KIAA1328: variants seen among roughly 807,000 people sequenced by gnomAD.
The protein encoded by KIAA1328 is KIAA1328.
Under a neutral mutation model 68.1 loss-of-function variants are expected in KIAA1328, and 52 were observed. The observed-to-expected ratio is 0.76, with a 90% CI of 0.61 to 0.96. The LOEUF (loss-of-function observed/expected upper bound fraction) is 0.96, where lower values mean the gene tolerates loss of function less well. Ranked by LOEUF, KIAA1328 falls within the 40% of genes least tolerant of loss-of-function variation. The pLI, the probability that KIAA1328 is intolerant of heterozygous loss-of-function variation, is 0.00. For synonymous variants in KIAA1328, 232 were observed against 239.4 expected, an observed-to-expected ratio of 0.97 and a Z score of 0.28; for missense variants, 641 against 677.6, an observed-to-expected ratio of 0.95 and a Z score of 0.60.
chr18:36,971,723 T>C (rs970528448), intron 6 of KIAA1328, among the ~76,000 whole-genome samples: 3 of 152,082 alleles, frequency 2.0e-5, no homozygotes, highest in Non-Finnish European at 4.4e-5. Context: ...TGCAGAAACA[T>C]GGATTGAACA....
chr18:36,918,038 G>A (rs574873172), intron 5 of KIAA1328, among the ~76,000 whole-genome samples: 1 of 152,006 alleles, frequency 6.6e-6, no homozygotes, highest in East Asian at 1.9e-4. Context: ...TTCTATGGGA[G>A]GATTGGTTCA....
intron 6 of KIAA1328, among the ~76,000 whole-genome samples, chr18:36,994,714 T>C (rs539456913): frequency 7.2e-5 from 11 of 152,180 alleles, no homozygotes; most frequent in Non-Finnish European, 1.6e-4. Flanking sequence ...TTTTAGCTTA[T>C]ACATATTTTT....
intron 6 of KIAA1328, among the ~76,000 whole-genome samples, chr18:36,989,093 T>C (rs1166371525): frequency 6.6e-6 from 1 of 152,200 alleles, no homozygotes; most frequent in Admixed American, 6.5e-5. Flanking sequence ...TATTTGGTAA[T>C]GCCTTTATGT....
In KIAA1328 at chr18:37,215,725, A is replaced by T. The variant is rs1244199188; in HGVS notation, c.1524-6292A>T. ...TTGGAATAGTTTCAGAAGGAATGGTACCAGCTCCTCTTTGTACCTCTGATA... is the reference window on the plus strand; with the variant it reads ...TTGGAATAGTTTCAGAAGGAATGGTTCCAGCTCCTCTTTGTACCTCTGATA... On this transcript the variant is annotated intron_variant, in intron 9 of 9. Coordinates refer to ENST00000280020, the MANE Select transcript of KIAA1328 (RefSeq NM_020776.3). Among the ~76,000 whole-genome samples, 3 of 152,334 alleles carry T rather than the reference A, an allele frequency of 2.0e-5. 1 individual carries two copies. In the East Asian group the frequency reaches 5.8e-4, roughly 29 times the overall value.
intron 6 of KIAA1328, among the ~76,000 whole-genome samples, chr18:37,006,870 G>A (rs1434684192): frequency 6.6e-6 from 1 of 152,148 alleles, no homozygotes; most frequent in Non-Finnish European, 1.5e-5. Context: ...CACAAAGTGA[G>A]TTATTTAACA....
intron 7 of KIAA1328, among the ~76,000 whole-genome samples, chr18:37,117,828 T>G (rs1394333357): frequency 6.6e-6 from 1 of 151,436 alleles, no homozygotes; most frequent in African/African-American, 2.4e-5. Flanking sequence ...GCATCTCACG[T>G]TAGATGATAG....
chr18:36,883,157 A>G (rs530360630), intron 4 of KIAA1328, among the ~76,000 whole-genome samples: 5 of 152,310 alleles, frequency 3.3e-5, no homozygotes, highest in African/African-American at 1.2e-4. Context: ...GGATTTTGTT[A>G]CATATTTTCT....
chr18:36,954,135 T>C (rs977161813), intron 5 of KIAA1328, among the ~76,000 whole-genome samples: 5 of 152,000 alleles, frequency 3.3e-5, no homozygotes, highest in Admixed American at 1.3e-4. Context: ...CCCGAGTAGC[T>C]GGGACTACAG....
chr18:37,026,571 A>G (rs1452971783), intron 6 of KIAA1328, among the ~76,000 whole-genome samples: 2 of 152,222 alleles, frequency 1.3e-5, no homozygotes, highest in African/African-American at 4.8e-5. Flanking sequence ...GGTTCAACAT[A>G]TGCAAATCAA....
At chr18:37,139,649 C>G (rs182172897) in intron 7 of KIAA1328, among the ~76,000 whole-genome samples, 1 of 152,248 alleles carries the variant, frequency 6.6e-6, no homozygotes, top group East Asian at 1.9e-4. Context: ...CTAACTAAAA[C>G]AAGTTAAATC....
chr18:37,135,395 T>C (rs755079241), intron 7 of KIAA1328, among the ~76,000 whole-genome samples: 12 of 152,208 alleles, frequency 7.9e-5, no homozygotes, highest in Non-Finnish European at 1.3e-4. Flanking sequence ...GTAGCCATTC[T>C]GACTAGTGTG....
chr18:36,940,708 G>T (rs2050677644), intron 5 of KIAA1328, among the ~76,000 whole-genome samples: 2 of 137,554 alleles, frequency 1.5e-5, no homozygotes, highest in Admixed American at 1.6e-4. Context: ...ACGGAGTCTC[G>T]CTCTGTCACC....
intron 4 of KIAA1328, among the ~76,000 whole-genome samples, chr18:36,858,147 T>C (rs1459014154): frequency 6.6e-6 from 1 of 152,118 alleles, no homozygotes; most frequent in Non-Finnish European, 1.5e-5. Flanking sequence ...CTCCTTTCAT[T>C]TCTGTCATTT....
In KIAA1328 at chr18:36,867,498, C is replaced by T. The variant is rs150716436; in HGVS notation, c.333-18059C>T. ...ATAGCAACGCCAGAATGGCCTAATA[C>T]AGCATGTTTTTCAATTACAGAGTGA... On this transcript the variant is annotated intron_variant, in intron 4 of 9. Transcript: ENST00000280020. Among the ~76,000 whole-genome samples the T allele has an allele frequency of 7.2e-5, 11 of 152,334 alleles. No homozygotes were observed. In the East Asian group the frequency reaches 1.2e-3, roughly 16 times the overall value.
intron 9 of KIAA1328, among the ~76,000 whole-genome samples, chr18:37,218,822 G>A (rs1298963148): frequency 1.3e-5 from 2 of 152,286 alleles, no homozygotes; most frequent in South Asian, 2.1e-4. Flanking sequence ...CTGTCAACTT[G>A]TCAAAGTTAT....
At chr18:37,108,306 G>A (rs2151894188) in intron 7 of KIAA1328, among the ~76,000 whole-genome samples, 1 of 152,118 alleles carries the variant, frequency 6.6e-6, no homozygotes, top group South Asian at 2.1e-4. Context: ...TGTATAAGTG[G>A]GAGCTAAGCA....
At chr18:37,012,436 G>GCC (rs2054009577) in intron 6 of KIAA1328, among the ~76,000 whole-genome samples, 1 of 152,154 alleles carries the variant, frequency 6.6e-6, no homozygotes, top group South Asian at 2.1e-4. Context: ...CATTGTGCTT[G>GCC]CCAGTGGTAA....
intron 6 of KIAA1328, among the ~76,000 whole-genome samples, chr18:37,011,791 G>A (rs988628318): frequency 6.6e-6 from 1 of 152,124 alleles, no homozygotes; most frequent in African/African-American, 2.4e-5. Context: ...AAATCAATGG[G>A]CTGAAGTTGG....
chr18:36,851,533 AT>A (rs940702099), intron 4 of KIAA1328, among the ~76,000 whole-genome samples: 3 of 151,418 alleles, frequency 2.0e-5, no homozygotes, highest in Non-Finnish European at 4.4e-5. Context: ...AGTTTTGGTA[AT>A]TTTTTTTGTT....
Sources: allele counts gnomAD v4.1 joint callset (sites outside exome capture counted in the v4.1 genomes callset), GRCh38; gene constraint gnomAD v4.1.1; transcripts MANE v1.5; gene names NCBI Gene and HGNC (gene_info 2026-07-23, HGNC 2026-07-21).